CD86: variants seen among roughly 807,000 people sequenced by gnomAD.
CD86 encodes CD86 molecule.
A neutral mutation model predicts 32.1 loss-of-function variants in CD86; 11 were observed. The ratio of observed to expected loss-of-function variants is 0.34; its 90% CI spans 0.22 to 0.57. The LOEUF (loss-of-function observed/expected upper bound fraction) is 0.57. CD86 is among the 20% of genes least tolerant of loss of function. The probability of loss-of-function intolerance (pLI) is 0.86; values close to 1 mark genes in which losing one functional copy is unlikely to be tolerated. For synonymous variants in CD86, 137 were observed against 135.3 expected, an observed-to-expected ratio of 1.01 and a Z score of -0.09; for missense variants, 359 against 398.4, an observed-to-expected ratio of 0.90 and a Z score of 0.84.
At chr3:122,115,990 T>C (rs967695218) in intron 5 of CD86, among the ~76,000 whole-genome samples, 2 of 152,032 alleles carry the variant, frequency 1.3e-5, no homozygotes, top group African/African-American at 4.8e-5. Flanking sequence ...ATGGAAAAAG[T>C]ATGAACCTAG....
chr3:122,077,924 G>A (rs747737792), intron 1 of CD86: 114 of 985,346 alleles, frequency 1.2e-4, no homozygotes, highest in Non-Finnish European at 1.3e-4. Context: ...GAGGTACGGG[G>A]AGCTCGCAAA....
chr3:122,090,336 G>T (rs1191481971), intron 1 of CD86, among the ~76,000 whole-genome samples: 1 of 152,200 alleles, frequency 6.6e-6, no homozygotes, highest in Non-Finnish European at 1.5e-5. Context: ...ATACATTTCT[G>T]CTATTCGATC....
At chr3:122,116,268 A>T in intron 5 of CD86, among the ~76,000 whole-genome samples, 1 of 152,350 alleles carries the variant, frequency 6.6e-6, no homozygotes, top group South Asian at 2.1e-4. Context: ...TGTATCCAGT[A>T]TATAATTACA....
chr3:122,076,642 GC>G (rs1011569261), intron 1 of CD86, among the ~76,000 whole-genome samples: 8 of 152,212 alleles, frequency 5.3e-5, no homozygotes, highest in Admixed American at 5.2e-4. Context: ...GGTTTTACAG[GC>G]CTGTTTACAG....
chr3:122,099,047 T>C (rs1011981792), intron 2 of CD86, among the ~76,000 whole-genome samples: 14 of 152,206 alleles, frequency 9.2e-5, no homozygotes, highest in Non-Finnish European at 1.9e-4. Flanking sequence ...TGGGAGTTAT[T>C]AGCTTTTACT....
Position 122,118,059 on chromosome 3 carries a change from A to G in CD86, c.859A>G (p.Met287Val). The change falls in exon 6 of 7, where the codon ATG (methionine) becomes GTG (valine). Residue 287 changes from methionine (M) to valine (V), a missense_variant. Coordinates refer to ENST00000330540, the MANE Select transcript of CD86 (RefSeq NM_175862.5). ...TTGGTGTCTTTCAGGAACCAACACAATGGAGAGGGAAGAGAGTGAACAGAC... is the reference window on the plus strand; with the variant it reads ...TTGGTGTCTTTCAGGAACCAACACAGTGGAGAGGGAAGAGAGTGAACAGAC... Reference protein sequence around the residue: ...RNSYKCGTNTMEREESEQTKK... With the variant: ...RNSYKCGTNTVEREESEQTKK... 2.5e-6 allele frequency: 4 copies of G among 1,613,404 alleles called. No individual in the cohort carries two copies. Among genetic ancestry groups the G allele is most frequent in the Middle Eastern group, 1.6e-4 (1 of 6,062 alleles).
intron 1 of CD86, among the ~76,000 whole-genome samples, chr3:122,068,573 G>T (rs543400322): frequency 6.6e-6 from 1 of 152,310 alleles, no homozygotes; most frequent in Admixed American, 6.5e-5. Context: ...CTCAGATAAA[G>T]ATTGAAAGGA....
At chr3:122,088,948 T>A (rs1481603411) in intron 1 of CD86, among the ~76,000 whole-genome samples, 1 of 152,166 alleles carries the variant, frequency 6.6e-6, no homozygotes, top group Non-Finnish European at 1.5e-5. Flanking sequence ...CAAAAATGAA[T>A]GGATAAACAA....
At chr3:122,119,348 C>A in intron 6 of CD86, 90 bp from the exon 7 acceptor site, 2 of 764,318 alleles carry the variant, frequency 2.6e-6, no homozygotes, top group South Asian at 1.5e-5. Flanking sequence ...GTTCCAATGG[C>A]AACCTCTATT....
rs113046632 is a variant in CD86, at chr3:122,109,269, T to C, written c.708T>C (p.Leu236=). ...AAAATTTGTGGTCATTTGTAGAGCT[T>C]GAGGACCCTCAGCCTCCCCCAGACC... The part of the protein sequence containing the change: ...RLLSSPFSIE[L]EDPQPPPDHI... The change falls in exon 5 of 7, where the codon CTT becomes CTC. Residue 236 remains leucine, a synonymous_variant. Coordinates refer to ENST00000330540, the MANE Select transcript of CD86 (RefSeq NM_175862.5). 337 of 1,613,100 alleles carry C rather than the reference T, an allele frequency of 2.1e-4. 2 individuals are homozygous for C. The East Asian group carries it at 5.3e-3, about 26-fold the overall frequency.
At chr3:122,065,949 T>G (rs1201876225) in intron 1 of CD86, among the ~76,000 whole-genome samples, 15 of 152,174 alleles carry the variant, frequency 9.9e-5, no homozygotes, top group Admixed American at 9.8e-4. Flanking sequence ...AAAGTTAATG[T>G]GTCCATTCTA....
At chr3:122,090,436 C>T (rs775297719) in intron 1 of CD86, among the ~76,000 whole-genome samples, 2 of 152,162 alleles carry the variant, frequency 1.3e-5, no homozygotes, top group Non-Finnish European at 2.9e-5. Flanking sequence ...TGAATTAATT[C>T]ACTGGTTAGG....
chr3:122,090,497 C>T (rs890822908), intron 1 of CD86, among the ~76,000 whole-genome samples: 2 of 152,126 alleles, frequency 1.3e-5, no homozygotes, highest in Non-Finnish European at 2.9e-5. Context: ...ATTTATGTCC[C>T]CCTCAGTGCA....
chr3:122,086,592 C>T (rs776434969), intron 1 of CD86: 19 of 482,048 alleles, frequency 3.9e-5, no homozygotes, highest in South Asian at 1.7e-4. Flanking sequence ...CCTAAATCCA[C>T]GCTGGGAAGC....
At chr3:122,060,079 A>G (rs1412993152) in intron 1 of CD86, among the ~76,000 whole-genome samples, 2 of 152,318 alleles carry the variant, frequency 1.3e-5, no homozygotes, top group East Asian at 1.9e-4. Context: ...CAGCAAACTA[A>G]TACACTTGGT....
chr3:122,100,700 T>C (rs567887413), intron 2 of CD86, among the ~76,000 whole-genome samples: 3 of 152,312 alleles, frequency 2.0e-5, no homozygotes, highest in South Asian at 4.1e-4. Context: ...AAGTCCTTAA[T>C]TATCCTTTGA....
chr3:122,061,773 A>G (rs1025518689), intron 1 of CD86, among the ~76,000 whole-genome samples: 8 of 152,236 alleles, frequency 5.3e-5, no homozygotes, highest in African/African-American at 1.9e-4. Flanking sequence ...CACTCTAGAA[A>G]ACAGTTTGGC....
In CD86 at chr3:122,114,397, T is replaced by C. The variant is rs148341576; in HGVS notation, c.848-3651T>C. Reference sequence around the variant, plus strand: ...ACAACTAGAAAGCAGACAAAATATATGAAACAACTGTTTTCAGAGATCGGA... The same window carrying C: ...ACAACTAGAAAGCAGACAAAATATACGAAACAACTGTTTTCAGAGATCGGA... On this transcript the variant is annotated intron_variant, in intron 5 of 6. Coordinates refer to ENST00000330540, the MANE Select transcript of CD86 (RefSeq NM_175862.5). 1.6e-4 allele frequency among the ~76,000 whole-genome samples: 25 copies of C among 152,256 alleles called. No homozygotes were observed. In the East Asian group the frequency reaches 4.8e-3, roughly 29 times the overall value.
chr3:122,118,374 A>G (rs1414519141), intron 6 of CD86, among the ~76,000 whole-genome samples: 1 of 152,210 alleles, frequency 6.6e-6, no homozygotes, highest in Non-Finnish European at 1.5e-5. Context: ...GCTTCATCTT[A>G]TCTGCCACAG....
Sources: gnomAD v4.1 joint callset for allele counts (sites outside exome capture counted in the v4.1 genomes callset) on GRCh38, gnomAD v4.1.1 for gene constraint, MANE v1.5 for transcripts, NCBI Gene and HGNC (gene_info 2026-07-23, HGNC 2026-07-21) for gene names.